Variants in THSD4 observed in about 807,000 individuals in gnomAD.
THSD4 encodes the protein thrombospondin type 1 domain containing 4, also known as thrombospondin type-1 domain-containing protein 4.
A neutral mutation model predicts 119.0 loss-of-function variants in THSD4; 69 were observed. The ratio of observed to expected loss-of-function variants is 0.58; its 90% CI spans 0.48 to 0.71. The LOEUF (loss-of-function observed/expected upper bound fraction) is 0.71. THSD4 is among the 30% of genes least tolerant of loss of function. The pLI is 0.00. For synonymous variants in THSD4, 524 were observed against 540.4 expected (o/e 0.97, Z 0.42); for missense variants, 1,393 against 1,391.1 (o/e 1.00, Z -0.02).
chr15:71,282,245 T>G (rs951141679), intron 6 of THSD4, among the ~76,000 whole-genome samples: 4 of 152,188 alleles, frequency 2.6e-5, no homozygotes, highest in Non-Finnish European at 5.9e-5. Context: ...TTTTCCCAAA[T>G]GAGGAATGTT....
intron 7 of THSD4, among the ~76,000 whole-genome samples, chr15:71,657,415 C>T (rs1461833982): frequency 6.6e-6 from 1 of 152,212 alleles, no homozygotes; most frequent in Non-Finnish European, 1.5e-5. Flanking sequence ...CACAACAGCC[C>T]TGTGCAGGAG....
chr15:71,202,494 A>T (rs2043812105), intron 3 of THSD4, among the ~76,000 whole-genome samples: 1 of 152,190 alleles, frequency 6.6e-6, no homozygotes, highest in Non-Finnish European at 1.5e-5. Context: ...TGGCCTGCAG[A>T]AGCCCAAAGT....
chr15:71,325,886 C>T (rs1227249371), intron 6 of THSD4, among the ~76,000 whole-genome samples: 1 of 152,194 alleles, frequency 6.6e-6, no homozygotes, highest in African/African-American at 2.4e-5. Context: ...AAAACCAGAA[C>T]CAAAAAAGCC....
intron 6 of THSD4, among the ~76,000 whole-genome samples, chr15:71,403,500 C>A (rs1223927248): frequency 1.3e-5 from 2 of 152,028 alleles, no homozygotes; most frequent in Admixed American, 6.6e-5. Flanking sequence ...AGTGATGTAA[C>A]CTTCATGAGG....
intron 6 of THSD4, among the ~76,000 whole-genome samples, chr15:71,288,101 T>G (rs2044742141): frequency 6.6e-6 from 1 of 152,186 alleles, no homozygotes; most frequent in Non-Finnish European, 1.5e-5. Context: ...TGTAAAATGC[T>G]TATCAAAAAA....
rs536325642 is a variant in THSD4, at chr15:71,380,960, G to A, written c.1016-30727G>A. Among the ~76,000 whole-genome samples, 9 of 152,070 alleles carry A rather than the reference G, an allele frequency of 5.9e-5. No individual in the cohort carries two copies. The East Asian group carries it at 9.7e-4, about 16-fold the overall frequency. Reference sequence around the variant, plus strand: ...CCATTGAGGGTGGCAATTTAATGTCGTCCCTCTGTAAATGTTCAAATGGCC... The same window carrying A: ...CCATTGAGGGTGGCAATTTAATGTCATCCCTCTGTAAATGTTCAAATGGCC... On this transcript the variant is annotated intron_variant, in intron 6 of 17. Transcript: ENST00000261862.
chr15:71,614,954 C>T (rs1317382324), intron 7 of THSD4, among the ~76,000 whole-genome samples: 5 of 152,166 alleles, frequency 3.3e-5, no homozygotes, highest in African/African-American at 7.2e-5. Flanking sequence ...CTTCCCTCCA[C>T]GAGTTCTTAG....
chr15:71,208,095 T>C (rs1457464069), intron 3 of THSD4, among the ~76,000 whole-genome samples: 1 of 152,172 alleles, frequency 6.6e-6, no homozygotes, highest in Non-Finnish European at 1.5e-5. Context: ...CTGGTCAATT[T>C]GCTGGAAATT....
At chr15:71,333,698 T>G (rs2045456174) in intron 6 of THSD4, among the ~76,000 whole-genome samples, 1 of 152,198 alleles carries the variant, frequency 6.6e-6, no homozygotes, top group South Asian at 2.1e-4. Flanking sequence ...AAGGACTTAT[T>G]GAAGTCTTGC....
At chr15:71,244,330 G>A (rs2044180836) in intron 5 of THSD4, among the ~76,000 whole-genome samples, 1 of 152,168 alleles carries the variant, frequency 6.6e-6, no homozygotes, top group South Asian at 2.1e-4. Flanking sequence ...AAATTTCTGA[G>A]CCAGTATATT....
intron 6 of THSD4, among the ~76,000 whole-genome samples, chr15:71,404,177 A>G (rs2140489706): frequency 6.6e-6 from 1 of 152,290 alleles, no homozygotes; most frequent in Non-Finnish European, 1.5e-5. Context: ...AACTATTATC[A>G]TGATATGATT....
chr15:71,317,230 G>A (rs1006315120), intron 6 of THSD4, among the ~76,000 whole-genome samples: 6 of 152,160 alleles, frequency 3.9e-5, no homozygotes, highest in Admixed American at 2.0e-4. Flanking sequence ...AAAGGTTGTC[G>A]TCTTCTGTGA....
intron 7 of THSD4, among the ~76,000 whole-genome samples, chr15:71,471,247 C>T (rs1414217158): frequency 6.6e-6 from 1 of 152,100 alleles, no homozygotes; most frequent in East Asian, 1.9e-4. Flanking sequence ...GGGCCCTCTG[C>T]ATGCTAAGGT....
intron 7 of THSD4, among the ~76,000 whole-genome samples, chr15:71,654,966 C>A (rs2051160822): frequency 6.6e-6 from 1 of 152,196 alleles, no homozygotes; most frequent in African/African-American, 2.4e-5. Flanking sequence ...GTGAAATTCA[C>A]CTCCAAATAT....
intron 6 of THSD4, among the ~76,000 whole-genome samples, chr15:71,281,185 G>A (rs1266030253): frequency 1.3e-5 from 2 of 152,230 alleles, no homozygotes; most frequent in Non-Finnish European, 2.9e-5. Flanking sequence ...GTATGAATCC[G>A]AGAAGTCTAC....
At chr15:71,751,764 C>T (rs1249187333) in intron 14 of THSD4, among the ~76,000 whole-genome samples, 1 of 152,014 alleles carries the variant, frequency 6.6e-6, no homozygotes, top group Non-Finnish European at 1.5e-5. Flanking sequence ...ACCTCCTGGG[C>T]TCTAGTGATC....
At chr15:71,174,449 C>T (rs2141411354) in intron 3 of THSD4, among the ~76,000 whole-genome samples, 1 of 142,816 alleles carries the variant, frequency 7.0e-6, no homozygotes, top group East Asian at 2.1e-4. Context: ...AACGGCGCAC[C>T]ACGAGACTAT....
At chr15:71,566,758 G>A (rs1464283306) in intron 7 of THSD4, among the ~76,000 whole-genome samples, 11 of 63,214 alleles carry the variant, frequency 1.7e-4, no homozygotes, top group African/African-American at 6.5e-4. Flanking sequence ...CCTGCTCCCC[G>A]CTCCCCCTGC....
chr15:71,714,389 G>T (rs1409346668), intron 8 of THSD4, among the ~76,000 whole-genome samples: 1 of 152,200 alleles, frequency 6.6e-6, no homozygotes, highest in Admixed American at 6.5e-5. Context: ...GCCTGGCAGG[G>T]TGGTGCAGGC....
Sources: allele counts gnomAD v4.1 joint callset (sites outside exome capture counted in the v4.1 genomes callset), GRCh38; gene constraint gnomAD v4.1.1; transcripts MANE v1.5; gene names NCBI Gene and HGNC (gene_info 2026-07-23, HGNC 2026-07-21).